HEATR5B: variants seen among roughly 807,000 people sequenced by gnomAD.
HEATR5B encodes HEAT repeat-containing protein 5B.
Under a neutral mutation model 224.1 loss-of-function variants are expected in HEATR5B, and 156 were observed. The ratio of observed to expected loss-of-function variants is 0.70; its 90% confidence interval spans 0.61 to 0.80. The LOEUF (loss-of-function observed/expected upper bound fraction) is 0.80, where lower values mean the gene tolerates loss of function less well. Among genes scored for constraint, HEATR5B ranks in the 30% least tolerant of loss-of-function variants. The pLI, the probability that HEATR5B is intolerant of heterozygous loss-of-function variation, is 0.00. For synonymous variants in HEATR5B, 1,027 were observed against 893.0 expected (o/e 1.15, Z -2.68); for missense variants, 2,323 against 2,535.5 (o/e 0.92, Z 1.80).
At position 36,989,274 on chromosome 2, in the gene HEATR5B, C is replaced by T. The variant is rs550453673; in HGVS notation, c.5698-415G>A. 4.7e-4 allele frequency among the ~76,000 whole-genome samples: 71 copies of T among 152,124 alleles called. 2 individuals carry two copies. In the South Asian group the frequency reaches 0.014, roughly 30 times the overall value. ...CTAATTTTTGTATTTTTAGTAGAGA[C>T]GGGGTTTCACCATGTTGGTCAGGAC... is the stretch of plus-strand genomic sequence containing the variant. On this transcript the variant is annotated intron_variant, in intron 34 of 35. Transcript: ENST00000233099.
intron 8 of HEATR5B, among the ~76,000 whole-genome samples, chr2:37,067,101 T>C (rs980712855): frequency 1.2e-4 from 19 of 152,264 alleles, no homozygotes; most frequent in Middle Eastern, 3.4e-3. Context: ...GAAGAACTCC[T>C]GGCCTCAAGT....
chr2:36,999,652 C>A (rs1017020088), intron 33 of HEATR5B, among the ~76,000 whole-genome samples: 1 of 151,248 alleles, frequency 6.6e-6, no homozygotes, highest in African/African-American at 2.4e-5. Flanking sequence ...GAACTCCAGA[C>A]TGGGCAACAC....
intron 35 of HEATR5B, 124 bp from the exon 36 acceptor site, chr2:36,981,918 T>C (rs1167461916): frequency 3.6e-6 from 2 of 556,528 alleles, no homozygotes; most frequent in Non-Finnish European, 6.0e-6. Context: ...CAGCCTACTT[T>C]AGACCTCAAT....
In HEATR5B at chr2:37,056,594, C is replaced by T; in HGVS notation, c.2245G>A (p.Gly749Arg). The change falls in exon 16 of 36, where the codon GGA becomes AGA. Residue 749 changes from glycine to arginine, a missense_variant. Gly to Arg is a moderately radical substitution (Grantham distance 125, BLOSUM62 -2). This residue lies in a region of HEATR5B where 170 missense variants were observed against 216.7 expected (regional missense o/e 0.78). Transcript: ENST00000233099. ...GGATCATGCTCCAGAGCCCCACTTC[C>T]AGAGGCACTGTTTGGCTGGAGCTGC... is the stretch of plus-strand genomic sequence containing the variant. ...EDQLQPNSASGSGALEHDPSS... is the reference protein window; with the variant it reads ...EDQLQPNSASRSGALEHDPSS... 1 of 1,599,422 alleles carries T rather than the reference C, an allele frequency of 6.3e-7. No homozygotes were observed. The highest frequency in any genetic ancestry group is 8.5e-7 in the Non-Finnish European group (1 of 1,174,186).
At chr2:37,039,810 T>C (rs974882304) in intron 20 of HEATR5B, among the ~76,000 whole-genome samples, 10 of 152,350 alleles carry the variant, frequency 6.6e-5, no homozygotes, top group African/African-American at 2.2e-4. Context: ...TTTAGGATCA[T>C]AAATGTGCCA....
chr2:37,017,681 C>T (rs938726178), intron 26 of HEATR5B, among the ~76,000 whole-genome samples: 5 of 116,638 alleles, frequency 4.3e-5, no homozygotes, highest in Non-Finnish European at 8.7e-5. Flanking sequence ...GAGCAAAATT[C>T]CGTCTCAAAA....
At chr2:37,062,593 C>T (rs924152555) in intron 10 of HEATR5B, among the ~76,000 whole-genome samples, 10 of 152,182 alleles carry the variant, frequency 6.6e-5, no homozygotes, top group East Asian at 1.9e-4. Context: ...GCCATTTACT[C>T]GCATTCTCAT....
intron 26 of HEATR5B, among the ~76,000 whole-genome samples, chr2:37,018,645 T>C (rs1455733633): frequency 1.3e-5 from 2 of 152,184 alleles, no homozygotes; most frequent in Non-Finnish European, 2.9e-5. Flanking sequence ...CAGAATCTTC[T>C]CTGCATAGAG....
chr2:36,998,829 T>G (rs13422227), intron 33 of HEATR5B, among the ~76,000 whole-genome samples: 1,554 of 152,108 alleles, frequency 0.01, 37 homozygotes, highest in African/African-American at 0.036. Flanking sequence ...TTACTCTCTA[T>G]ATAACACATA....
At chr2:36,999,101 T>C (rs1666917642) in intron 33 of HEATR5B, among the ~76,000 whole-genome samples, 1 of 151,842 alleles carries the variant, frequency 6.6e-6, no homozygotes, top group Admixed American at 6.6e-5. Context: ...TAATCCCAGC[T>C]ACTCAGGAGG....
At chr2:37,080,936 T>C (rs1051987496) in intron 2 of HEATR5B, among the ~76,000 whole-genome samples, 4 of 152,336 alleles carry the variant, frequency 2.6e-5, no homozygotes, top group Non-Finnish European at 5.9e-5. Flanking sequence ...AACAATCTTA[T>C]TGTTTAATTT....
Position 37,070,287 on chromosome 2 carries a change from T to A in HEATR5B, c.870A>T (p.Gly290=). ...CGGACCCTCCAACTTTTAACATTTCTCCACCGCTCTTTAAGAAACCTGACC... is the reference window on the plus strand; with the variant it reads ...CGGACCCTCCAACTTTTAACATTTCACCACCGCTCTTTAAGAAACCTGACC... The part of the protein sequence containing the change: ...RGGSGFLKSG[G]EMLKVGGSVN... Residue 290 remains glycine (G), a synonymous_variant, in exon 7 of 36, where the codon GGA becomes GGT. Coordinates refer to ENST00000233099, the MANE Select transcript of HEATR5B (RefSeq NM_019024.3). The A allele has an allele frequency of 6.2e-7, 1 of 1,614,088 alleles. No individual in the cohort carries two copies. Among genetic ancestry groups the A allele is most frequent in the South Asian group, 1.1e-5 (1 of 91,080 alleles).
At chr2:37,008,289 A>G (rs1432316524) in intron 28 of HEATR5B, 1 of 236,962 alleles carries the variant, frequency 4.2e-6, no homozygotes, top group East Asian at 9.6e-5. Flanking sequence ...TGAAAATACA[A>G]ACATTGAACA....
intron 21 of HEATR5B, among the ~76,000 whole-genome samples, chr2:37,036,901 C>G (rs1210127620): frequency 6.6e-6 from 1 of 151,874 alleles, no homozygotes; most frequent in South Asian, 2.1e-4. Context: ...TTTTATAGCA[C>G]TTATTTGTAA....
At chr2:37,006,304 A>G (rs1279570632) in intron 29 of HEATR5B, among the ~76,000 whole-genome samples, 1 of 152,220 alleles carries the variant, frequency 6.6e-6, no homozygotes, top group Non-Finnish European at 1.5e-5. Context: ...CCCAGAAAAC[A>G]TAAGATCACT....
chr2:37,023,571 C>A (rs927369970), intron 24 of HEATR5B, among the ~76,000 whole-genome samples: 3 of 152,060 alleles, frequency 2.0e-5, no homozygotes, highest in Non-Finnish European at 4.4e-5. Flanking sequence ...GAGTTTGAGA[C>A]CAGCCTGGCC....
At position 37,049,785 on chromosome 2, in the gene HEATR5B, G is replaced by A; in HGVS notation, c.2564C>T (p.Thr855Ile). The A allele has an allele frequency of 3.1e-6, 5 of 1,587,572 alleles. No individual in the cohort carries two copies. Among genetic ancestry groups the A allele is most frequent in the Non-Finnish European group, 4.3e-6 (5 of 1,168,472 alleles). Residue 855 changes from threonine to isoleucine, a missense_variant, in exon 18 of 36, where the codon ACA becomes ATA. Physicochemically the swap from Thr to Ile is moderately conservative, Grantham distance 89 (BLOSUM62 -1). Transcript: ENST00000233099. ...GPEEVRKSAL[T>I]LVMGPLDNPN... is the part of the protein sequence containing the mutation. ...GTTGTCCAGAGGACCCATAACCAGT[G>A]TCAGGGCAGATTTACGAACTTCCTC...
chr2:37,000,543 C>A (rs1667020519), intron 33 of HEATR5B, 43 bp downstream of exon 33: 15 of 1,467,000 alleles, frequency 1.0e-5, no homozygotes, highest in Non-Finnish European at 1.4e-5. Context: ...ACTTAGGGAA[C>A]ACATATCCTA....
chr2:37,070,866 A>G (rs536351361), intron 6 of HEATR5B, among the ~76,000 whole-genome samples: 7 of 152,236 alleles, frequency 4.6e-5, no homozygotes, highest in African/African-American at 1.4e-4. Context: ...ATAGTAGCAA[A>G]TGCAATCCTC....
Sources: allele counts gnomAD v4.1 joint callset (sites outside exome capture counted in the v4.1 genomes callset), GRCh38; gene constraint gnomAD v4.1.1; regional missense constraint gnomAD v4.1.1; transcripts MANE v1.5; gene names NCBI Gene and HGNC (gene_info 2026-07-23, HGNC 2026-07-21).